The following CNBD1 variants were observed in gnomAD, a reference collection of about 807,000 sequenced individuals.
CNBD1 encodes the protein cyclic nucleotide-binding domain-containing protein 1.
CNBD1 carries 71 observed loss-of-function variants against 54.4 expected under a neutral mutation model. That is an observed-to-expected ratio of 1.30 (90% CI 1.08 to 1.59). The LOEUF (loss-of-function observed/expected upper bound fraction) is 1.59. Ranked by LOEUF, CNBD1 falls within the 40% of genes most tolerant of loss-of-function variation. The pLI is 0.00. For synonymous variants in CNBD1, 182 were observed against 170.7 expected (o/e 1.07, Z -0.51); for missense variants, 659 against 518.0 (o/e 1.27, Z -2.64).
intron 4 of CNBD1, among the ~76,000 whole-genome samples, chr8:87,017,436 T>C (rs1809378625): frequency 6.6e-6 from 1 of 152,202 alleles, no homozygotes; most frequent in Non-Finnish European, 1.5e-5. Flanking sequence ...ATGACTGAGC[T>C]AGAGAATTTC....
intron 6 of CNBD1, among the ~76,000 whole-genome samples, chr8:87,274,090 A>G (rs1365047339): frequency 4.6e-5 from 7 of 152,042 alleles, no homozygotes; most frequent in Non-Finnish European, 7.4e-5. Context: ...TCCCTACAAA[A>G]GACATGAGCT....
At chr8:87,187,063 T>G (rs747750035) in intron 4 of CNBD1, among the ~76,000 whole-genome samples, 9 of 152,098 alleles carry the variant, frequency 5.9e-5, no homozygotes, top group Non-Finnish European at 1.0e-4. Context: ...ATGCAACATA[T>G]TTGTTTTTCT....
intron 6 of CNBD1, among the ~76,000 whole-genome samples, chr8:87,244,741 A>G (rs949711560): frequency 6.6e-6 from 1 of 152,112 alleles, no homozygotes; most frequent in South Asian, 2.1e-4. Context: ...AATGCGTAGT[A>G]TAAGTATGCT....
intron 6 of CNBD1, among the ~76,000 whole-genome samples, chr8:87,277,096 A>G (rs1018831543): frequency 2.0e-5 from 3 of 151,530 alleles, no homozygotes; most frequent in Non-Finnish European, 4.4e-5. Flanking sequence ...ACACATATTC[A>G]TATATGTATA....
At chr8:87,291,745 A>G (rs1354432795) in intron 8 of CNBD1, among the ~76,000 whole-genome samples, 2 of 152,108 alleles carry the variant, frequency 1.3e-5, no homozygotes, top group African/African-American at 2.4e-5. Flanking sequence ...CAGCCATTCG[A>G]GTAGCTGAGA....
chr8:87,387,240 A>T (rs1019886877), downstream of CNBD1, among the ~76,000 whole-genome samples: 1 of 152,184 alleles, frequency 6.6e-6, no homozygotes, highest in African/African-American at 2.4e-5. Context: ...GACAGGATCA[A>T]GTTCACACAT....
At chr8:87,037,379 C>T (rs1264684093) in intron 4 of CNBD1, among the ~76,000 whole-genome samples, 1 of 151,980 alleles carries the variant, frequency 6.6e-6, no homozygotes, top group Non-Finnish European at 1.5e-5. Context: ...TAAGTCATAT[C>T]CATGGGTATA....
At chr8:87,018,785 A>G (rs940816793) in intron 4 of CNBD1, among the ~76,000 whole-genome samples, 1 of 152,182 alleles carries the variant, frequency 6.6e-6, no homozygotes, top group African/African-American at 2.4e-5. Flanking sequence ...CCCAGGGACT[A>G]TTGCAGAAGA....
chr8:87,354,399 T>TC (rs1457355288), intron 10 of CNBD1, among the ~76,000 whole-genome samples: 5 of 151,770 alleles, frequency 3.3e-5, no homozygotes, highest in Non-Finnish European at 7.4e-5. Context: ...TAGGATTTCT[T>TC]TTTTTTTAAT....
At chr8:87,058,264 C>T (rs1199159655) in intron 4 of CNBD1, among the ~76,000 whole-genome samples, 1 of 152,186 alleles carries the variant, frequency 6.6e-6, no homozygotes, top group Non-Finnish European at 1.5e-5. Flanking sequence ...TGCGTACAAT[C>T]CTCAGTCCCA....
intron 6 of CNBD1, among the ~76,000 whole-genome samples, chr8:87,251,048 A>G (rs563045151): frequency 6.6e-6 from 1 of 152,238 alleles, no homozygotes; most frequent in South Asian, 2.1e-4. Flanking sequence ...CCCTTATTTG[A>G]TCTCTGTACA....
At chr8:87,278,329 C>G (rs187289600) in intron 6 of CNBD1, among the ~76,000 whole-genome samples, 82 of 151,540 alleles carry the variant, frequency 5.4e-4, no homozygotes, top group Admixed American at 8.6e-4. Flanking sequence ...CATCTAATAA[C>G]AGATTTAAGT....
chr8:86,879,135 G>A (rs1021799935), intron 1 of CNBD1, among the ~76,000 whole-genome samples: 2 of 151,758 alleles, frequency 1.3e-5, no homozygotes, highest in African/African-American at 4.8e-5. Flanking sequence ...TTCTTGATTT[G>A]ATTTTCATTG....
intron 6 of CNBD1, among the ~76,000 whole-genome samples, chr8:87,280,405 C>T (rs1432242305): frequency 6.6e-6 from 1 of 151,406 alleles, no homozygotes; most frequent in Non-Finnish European, 1.5e-5. Context: ...CAAATAATCA[C>T]AAACTATGGA....
intron 8 of CNBD1, among the ~76,000 whole-genome samples, chr8:87,320,850 T>C (rs1289912817): frequency 6.6e-6 from 1 of 152,156 alleles, no homozygotes; most frequent in Non-Finnish European, 1.5e-5. Context: ...TTATATTCAT[T>C]GCACAGCAAT....
intron 3 of CNBD1, among the ~76,000 whole-genome samples, chr8:86,933,901 T>C (rs1037667234): frequency 3.3e-5 from 5 of 152,174 alleles, no homozygotes; most frequent in Admixed American, 6.5e-5. Flanking sequence ...GTATCTCTAT[T>C]ATTTATCTGG....
intron 4 of CNBD1, among the ~76,000 whole-genome samples, chr8:86,999,448 A>G (rs1050426669): frequency 2.6e-5 from 4 of 151,966 alleles, no homozygotes; most frequent in South Asian, 2.1e-4. Context: ...TTTAAACTTC[A>G]GTCAGATTTT....
At chr8:87,421,265 ATTTATTTC>A (rs1807930746) in intron 2 of CNBD1, among the ~76,000 whole-genome samples, 1 of 148,442 alleles carries the variant, frequency 6.7e-6, no homozygotes, top group Non-Finnish European at 1.5e-5. Flanking sequence ...TTTATTTTTT[ATTTATTTC>A]TTTATTTTTT....
chr8:86,900,400 A>G (rs1463502100), intron 2 of CNBD1, among the ~76,000 whole-genome samples: 2 of 152,156 alleles, frequency 1.3e-5, no homozygotes, highest in African/African-American at 4.8e-5. Context: ...ATTTAACATG[A>G]CAGGCATTGC....
Sources: allele counts gnomAD v4.1 joint callset (sites outside exome capture counted in the v4.1 genomes callset), GRCh38; gene constraint gnomAD v4.1.1; transcripts MANE v1.5; gene names NCBI Gene and HGNC (gene_info 2026-07-23, HGNC 2026-07-21).